Variants in ZRANB3 observed in about 807,000 individuals in gnomAD.
The protein encoded by ZRANB3 is zinc finger RANBP2-type containing 3.
A neutral mutation model predicts 133.8 loss-of-function variants in ZRANB3; 125 were observed. The ratio of observed to expected loss-of-function variants is 0.93; its 90% confidence interval spans 0.81 to 1.08. ZRANB3 has a LOEUF of 1.08. ZRANB3 is among the 50% of genes least tolerant of loss of function. The pLI is 0.00. For missense variants in ZRANB3, 1,229 were observed against 1,275.5 expected, an observed-to-expected ratio of 0.96 and a Z score of 0.56; for synonymous variants, 387 against 432.7, an observed-to-expected ratio of 0.89 and a Z score of 1.31.
rs773487542 is a variant in ZRANB3, at chr2:135,207,420, T to G, written c.3009+14A>C. ...ACAATGCTGCCTTCTATCTATCACA[T>G]GATTATAACTTACCTGTTCTAATGG... On this transcript the variant is annotated intron_variant, in intron 19 of 20. Transcript: ENST00000264159. The G allele has an allele frequency of 1.3e-6, 2 of 1,583,942 alleles. No individual in the cohort carries two copies. Among genetic ancestry groups the G allele is most frequent in the Admixed American group, 3.6e-5 (2 of 55,938 alleles).
chr2:135,251,926 T>A (rs1679417035), intron 12 of ZRANB3, among the ~76,000 whole-genome samples: 1 of 152,132 alleles, frequency 6.6e-6, no homozygotes, highest in Admixed American at 6.6e-5. Flanking sequence ...TCCCAGCTAC[T>A]CGGGAGGCTG....
chr2:135,211,817 A>G (rs566272394), intron 17 of ZRANB3, among the ~76,000 whole-genome samples: 1 of 152,274 alleles, frequency 6.6e-6, no homozygotes, highest in East Asian at 1.9e-4. Context: ...ATCACAAACA[A>G]TGCTGTAATA....
chr2:135,217,486 G>A lies in ZRANB3; in HGVS notation c.2474C>T (p.Thr825Ile). Residue 825 changes from threonine (T) to isoleucine (I), a missense_variant, in exon 17 of 21, where the codon ACC (threonine) becomes ATC (isoleucine). Transcript: ENST00000264159. Reference sequence around the variant, plus strand: ...ATACCTTTTGGTGCAATTTTGTTTGGTTTGTTGCTTTGTGATCTCTTCCAA... The same window carrying A: ...ATACCTTTTGGTGCAATTTTGTTTGATTTGTTGCTTTGTGATCTCTTCCAA... The part of the protein sequence containing the change: ...LALEEITKQQ[T>I]KQNCTKRYIT... 6.2e-7 allele frequency: 1 copy of A among 1,609,622 alleles called. No individual in the cohort carries two copies. The highest frequency in any genetic ancestry group is 8.5e-7 in the Non-Finnish European group (1 of 1,178,598).
At chr2:135,293,340 T>G (rs1457563433) in intron 8 of ZRANB3, among the ~76,000 whole-genome samples, 1 of 151,842 alleles carries the variant, frequency 6.6e-6, no homozygotes, top group Non-Finnish European at 1.5e-5. Context: ...CCTAGGTATT[T>G]TACTCTCTTT....
intron 2 of ZRANB3, among the ~76,000 whole-genome samples, chr2:135,469,148 G>C (rs180739348): frequency 1.3e-5 from 2 of 152,074 alleles, no homozygotes; most frequent in East Asian, 3.9e-4. Flanking sequence ...CACTGACTAA[G>C]AAAAGGTTCA....
chr2:135,306,587 C>G (rs58074456), intron 8 of ZRANB3, among the ~76,000 whole-genome samples: 6,566 of 142,212 alleles, frequency 0.046, 496 homozygotes, highest in African/African-American at 0.16. Flanking sequence ...CCACCGCACC[C>G]GGCCTTTTTT....
chr2:135,483,052 C>T (rs1470482292), intron 2 of ZRANB3, among the ~76,000 whole-genome samples: 1 of 152,118 alleles, frequency 6.6e-6, no homozygotes, highest in Non-Finnish European at 1.5e-5. Context: ...CATCAATGTT[C>T]ATCAAGGATA....
At chr2:135,423,204 G>A (rs1018263206) in intron 2 of ZRANB3, among the ~76,000 whole-genome samples, 4 of 152,082 alleles carry the variant, frequency 2.6e-5, no homozygotes, top group East Asian at 1.9e-4. Flanking sequence ...AGGCTGAGGC[G>A]GGCTGATCAC....
At chr2:135,376,660 A>C (rs1323243820) in intron 3 of ZRANB3, among the ~76,000 whole-genome samples, 3 of 152,238 alleles carry the variant, frequency 2.0e-5, no homozygotes, top group Non-Finnish European at 4.4e-5. Flanking sequence ...TGTTAAAAAT[A>C]TCAGTGGTTA....
At chr2:135,384,299 A>T (rs986526874) in intron 3 of ZRANB3, among the ~76,000 whole-genome samples, 1 of 152,224 alleles carries the variant, frequency 6.6e-6, no homozygotes, top group Admixed American at 6.5e-5. Flanking sequence ...ACCAGGAAGA[A>T]GTTGAATCTC....
intron 2 of ZRANB3, among the ~76,000 whole-genome samples, chr2:135,468,669 T>C (rs1691111844): frequency 1.3e-5 from 2 of 152,234 alleles, no homozygotes; most frequent in African/African-American, 2.4e-5. Flanking sequence ...TGTAGAACAC[T>C]GGTTTAAGAA....
At chr2:135,480,689 G>C (rs1691747447) in intron 2 of ZRANB3, among the ~76,000 whole-genome samples, 2 of 150,556 alleles carry the variant, frequency 1.3e-5, no homozygotes, top group South Asian at 4.2e-4. Flanking sequence ...ATGTATACAT[G>C]TGCCATGCTG....
chr2:135,462,593 C>T (rs1690810078), intron 2 of ZRANB3, among the ~76,000 whole-genome samples: 1 of 147,290 alleles, frequency 6.8e-6, no homozygotes. Context: ...CTCTCTCTCT[C>T]TTTTTCTTTT....
chr2:135,453,747 T>C (rs969156100), intron 2 of ZRANB3, among the ~76,000 whole-genome samples: 2 of 152,212 alleles, frequency 1.3e-5, no homozygotes, highest in East Asian at 3.8e-4. Flanking sequence ...GTCACAGCCA[T>C]TCAACAAATC....
chr2:135,205,332 C>G (rs1042413858), intron 19 of ZRANB3, among the ~76,000 whole-genome samples: 2 of 152,102 alleles, frequency 1.3e-5, no homozygotes, highest in African/African-American at 2.4e-5. Flanking sequence ...TGCAGTGGCA[C>G]CATCACAGCT....
intron 2 of ZRANB3, among the ~76,000 whole-genome samples, chr2:135,498,996 C>T (rs1010743282): frequency 2.6e-5 from 4 of 152,102 alleles, no homozygotes; most frequent in South Asian, 2.1e-4. Context: ...CCTCCATTTG[C>T]CTTATGATAT....
intron 6 of ZRANB3, among the ~76,000 whole-genome samples, chr2:135,340,111 T>C (rs1464076512): frequency 6.6e-6 from 1 of 151,154 alleles, no homozygotes; most frequent in Non-Finnish European, 1.5e-5. Context: ...TTTCTTTTTT[T>C]TTTTTTTTTT....
rs2105064277 is a variant in ZRANB3, at chr2:135,227,933, T to C, written c.2037A>G (p.Gln679=). 1 of 1,554,002 alleles carries C rather than the reference T, an allele frequency of 6.4e-7. No homozygotes were observed. Among genetic ancestry groups the C allele is most frequent in the East Asian group, 2.4e-5 (1 of 41,340 alleles). The change falls in exon 14 of 21, where the codon CAA becomes CAG. Residue 679 remains glutamine (Q), a synonymous_variant. Coordinates refer to ENST00000264159, the MANE Select transcript of ZRANB3 (RefSeq NM_032143.4). ...DSQKDTSKKV[Q]TISDCEKQAL... is the part of the protein sequence containing the mutation. ...CTTGTTTTTCACAGTCTGAGATAGTTTGAACCTTTTTGGAGGTGTCTTTCT... is the reference window on the plus strand; with the variant it reads ...CTTGTTTTTCACAGTCTGAGATAGTCTGAACCTTTTTGGAGGTGTCTTTCT...
intron 6 of ZRANB3, among the ~76,000 whole-genome samples, chr2:135,344,177 C>T (rs138420236): frequency 2.6e-5 from 4 of 152,164 alleles, no homozygotes; most frequent in Admixed American, 1.3e-4. Flanking sequence ...TAATAATTTG[C>T]CATTTTTTTT....
Sources: allele counts gnomAD v4.1 joint callset (sites outside exome capture counted in the v4.1 genomes callset), GRCh38; gene constraint gnomAD v4.1.1; transcripts MANE v1.5; gene names NCBI Gene and HGNC (gene_info 2026-07-23, HGNC 2026-07-21).